SEC24D: variants seen among roughly 807,000 people sequenced by gnomAD.
SEC24D encodes the protein protein transport protein Sec24D.
A neutral mutation model predicts 116.9 loss-of-function variants in SEC24D; 69 were observed. The observed-to-expected ratio is 0.59, with a 90% CI of 0.49 to 0.72. SEC24D has a LOEUF of 0.72. Ranked by LOEUF, SEC24D falls within the 30% of genes least tolerant of loss-of-function variation. The probability of loss-of-function intolerance (pLI) is 0.00; values close to 1 mark genes in which losing one functional copy is unlikely to be tolerated. For missense variants in SEC24D, 1,131 were observed against 1,264.1 expected (o/e 0.89, Z 1.60); for synonymous variants, 405 against 442.8 (o/e 0.91, Z 1.07).
At chr4:118,832,106 G>C (rs538059859) in intron 2 of SEC24D, among the ~76,000 whole-genome samples, 294 of 152,152 alleles carry the variant, frequency 1.9e-3, no homozygotes, top group Non-Finnish European at 3.4e-3. Context: ...AGGAGGCTGA[G>C]GCAGGAGAAT....
At chr4:118,812,940 CT>C (rs1729981040) in intron 6 of SEC24D, among the ~76,000 whole-genome samples, 1 of 152,166 alleles carries the variant, frequency 6.6e-6, no homozygotes, top group African/African-American at 2.4e-5. Flanking sequence ...GCCCCACAGC[CT>C]GCCCATCTGT....
At chr4:118,820,586 T>C (rs1418741187) in intron 3 of SEC24D, among the ~76,000 whole-genome samples, 2 of 152,122 alleles carry the variant, frequency 1.3e-5, no homozygotes, top group Non-Finnish European at 2.9e-5. Context: ...GGTGTGTAAC[T>C]ATAGGTAAGC....
intron 8 of SEC24D, among the ~76,000 whole-genome samples, chr4:118,789,383 T>C (rs913702143): frequency 6.6e-6 from 1 of 152,216 alleles, no homozygotes; most frequent in East Asian, 1.9e-4. Context: ...GCAGGTGACA[T>C]GTAAAGACCA....
chr4:118,817,230 G>T, intron 4 of SEC24D, 34 bp downstream of exon 4: 1 of 1,550,376 alleles, frequency 6.5e-7, no homozygotes, highest in Non-Finnish European at 8.7e-7. Context: ...CAGGACACAA[G>T]GCAGTCAATA....
intron 8 of SEC24D, among the ~76,000 whole-genome samples, chr4:118,791,672 G>A (rs564030607): frequency 4.1e-4 from 62 of 152,194 alleles, no homozygotes; most frequent in African/African-American, 1.5e-3. Context: ...TTGCAGGCAC[G>A]CGCCGCCACG....
chr4:118,803,348 T>C (rs892668859), intron 7 of SEC24D, among the ~76,000 whole-genome samples: 1 of 152,188 alleles, frequency 6.6e-6, no homozygotes, highest in African/African-American at 2.4e-5. Flanking sequence ...TTACTTGACA[T>C]GTATTATGCT....
chr4:118,782,968 AT>A (rs1728487951), intron 8 of SEC24D, among the ~76,000 whole-genome samples: 2 of 152,042 alleles, frequency 1.3e-5, no homozygotes, highest in South Asian at 2.1e-4. Flanking sequence ...AAAGCGCAGT[AT>A]TTTGGTGGGG....
intron 11 of SEC24D, among the ~76,000 whole-genome samples, chr4:118,754,538 C>G (rs2110459232): frequency 6.6e-6 from 1 of 152,208 alleles, no homozygotes; most frequent in East Asian, 1.9e-4. Context: ...AAGGACAGGA[C>G]CCAAAGCTTA....
At position 118,815,096 on chromosome 4, in the gene SEC24D, C is replaced by A; in HGVS notation, c.733G>T (p.Gly245Cys). 6.2e-7 allele frequency: 1 copy of A among 1,614,154 alleles called. No individual in the cohort carries two copies. Among genetic ancestry groups the A allele is most frequent in the East Asian group, 2.2e-5 (1 of 44,870 alleles). ...QLSYPGGFPG[G>C]PAQMAGPPQP... ...GGCGGACCAGCCATCTGTGCAGGACCTCCAGGGAAGCCTCCTGGGTAAGAC... is the reference window on the plus strand; with the variant it reads ...GGCGGACCAGCCATCTGTGCAGGACATCCAGGGAAGCCTCCTGGGTAAGAC... The change falls in exon 6 of 23, where the codon GGT (glycine) becomes TGT (cysteine). Residue 245 changes from glycine (G) to cysteine (C), a missense_variant. Physicochemically the swap from Gly to Cys is radical, Grantham distance 159. Coordinates refer to ENST00000280551, the MANE Select transcript of SEC24D (RefSeq NM_014822.4).
rs1726433441 is a variant in SEC24D at position 118,744,955 on chromosome 4, C to G, written c.1813G>C (p.Asp605His). The change falls in exon 14 of 23, where the codon GAC becomes CAC. Residue 605 changes from aspartate (D) to histidine (H), a missense_variant. Physicochemically the swap from Asp to His is moderately conservative, Grantham distance 81. Coordinates refer to ENST00000280551, the MANE Select transcript of SEC24D (RefSeq NM_014822.4). ...GAGTTACAAAGTACCTTCTCTTTGT[C>G]TGTATTAACCAGTTTTTTGTCATCT... The part of the protein sequence containing the change: ...NRDDKKLVNT[D>H]KEKILFQPQT... The G allele has an allele frequency of 1.3e-6, 2 of 1,586,890 alleles. No homozygotes were observed. Among genetic ancestry groups the G allele is most frequent in the East Asian group, 4.5e-5 (2 of 44,702 alleles).
In SEC24D at chr4:118,768,319, G is replaced by C; in HGVS notation, c.1042-8C>G. 6.2e-7 allele frequency: 1 copy of C among 1,603,036 alleles called. No homozygotes were observed. The highest frequency in any genetic ancestry group is 8.5e-7 in the Non-Finnish European group (1 of 1,176,000). On this transcript the variant is annotated splice_region_variant and splice_polypyrimidine_tract_variant and intron_variant, in intron 8 of 22. Coordinates refer to ENST00000280551, the MANE Select transcript of SEC24D (RefSeq NM_014822.4). ...TACCAAGTAAAGGGGACTCTATGGA[G>C]AAGCAAGAAAAATTAAATGAACAGG... is the stretch of plus-strand genomic sequence containing the variant.
At chr4:118,742,517 G>A (rs1726279557) in intron 15 of SEC24D, among the ~76,000 whole-genome samples, 1 of 152,122 alleles carries the variant, frequency 6.6e-6, no homozygotes, top group African/African-American at 2.4e-5. Flanking sequence ...ATTATTAAAA[G>A]TTTATTTTCT....
rs922414000 is a variant in SEC24D, at chr4:118,751,997, T to C, written c.1706A>G (p.Lys569Arg). 1 of 1,604,572 alleles carries C rather than the reference T, an allele frequency of 6.2e-7. No individual in the cohort carries two copies. The highest frequency in any genetic ancestry group is 1.3e-5 in the African/African-American group (1 of 74,800). ...CAATTAGAAGTGGCTTCTTCTCACC[T>C]TTAGTGCTTCCATGCCAGCCTGGAT... ...PVIQAGMEALKAADCPGKLFI... is the reference protein window; with the variant it reads ...PVIQAGMEALRAADCPGKLFI... The change falls in exon 13 of 23, where the codon AAG (lysine) becomes AGG (arginine). Residue 569 changes from lysine (K) to arginine (R), a missense_variant and splice_region_variant. Transcript: ENST00000280551.
chr4:118,782,463 T>C (rs1172889066), intron 8 of SEC24D, among the ~76,000 whole-genome samples: 1 of 152,164 alleles, frequency 6.6e-6, no homozygotes, highest in Non-Finnish European at 1.5e-5. Context: ...TGCCTGATCC[T>C]TCCTCTGGAA....
intron 22 of SEC24D, among the ~76,000 whole-genome samples, chr4:118,727,222 G>A (rs765036769): frequency 3.3e-5 from 5 of 152,206 alleles, no homozygotes; most frequent in Non-Finnish European, 5.9e-5. Flanking sequence ...AGCACTCTAT[G>A]AACAGATGGA....
At chr4:118,756,040 T>C (rs1303413967) in intron 11 of SEC24D, among the ~76,000 whole-genome samples, 1 of 152,080 alleles carries the variant, frequency 6.6e-6, no homozygotes, top group Admixed American at 6.6e-5. Flanking sequence ...ATCACCAGCA[T>C]TGATAAGGAA....
intron 8 of SEC24D, chr4:118,769,857 T>A (rs896930066): frequency 3.3e-5 from 5 of 152,092 alleles, no homozygotes. Flanking sequence ...CTGGTAGGGG[T>A]TGTGACAAGG....
chr4:118,741,500 G>A (rs969330841), intron 15 of SEC24D, among the ~76,000 whole-genome samples: 4 of 152,088 alleles, frequency 2.6e-5, no homozygotes, highest in African/African-American at 4.8e-5. Flanking sequence ...ACTACTCTAC[G>A]ATCACCGTAT....
At chr4:118,804,833 T>C (rs1419296900) in intron 7 of SEC24D, among the ~76,000 whole-genome samples, 1 of 151,956 alleles carries the variant, frequency 6.6e-6, no homozygotes, top group Non-Finnish European at 1.5e-5. Context: ...GAAACCCTTC[T>C]GTGTATTGAG....
Sources: allele counts gnomAD v4.1 joint callset (sites outside exome capture counted in the v4.1 genomes callset), GRCh38; gene constraint gnomAD v4.1.1; transcripts MANE v1.5; gene names NCBI Gene and HGNC (gene_info 2026-07-23, HGNC 2026-07-21).